MTA3: variants seen among roughly 807,000 people sequenced by gnomAD.
MTA3 encodes the protein metastasis associated 1 family member 3, also known as metastasis-associated protein MTA3.
A neutral mutation model predicts 83.5 loss-of-function variants in MTA3; 34 were observed. The ratio of observed to expected loss-of-function variants is 0.41; its 90% CI spans 0.31 to 0.54. The LOEUF (loss-of-function observed/expected upper bound fraction) is 0.54. Ranked by LOEUF, MTA3 falls within the 20% of genes least tolerant of loss-of-function variation. The pLI is 0.33. For synonymous variants in MTA3, 303 were observed against 252.7 expected, an observed-to-expected ratio of 1.20 and a Z score of -1.89; for missense variants, 761 against 726.4, an observed-to-expected ratio of 1.05 and a Z score of -0.55.
chr2:42,697,689 C>G (rs144713413), intron 10 of MTA3, 87 bp from the exon 11 acceptor site: 8 of 880,562 alleles, frequency 9.1e-6, no homozygotes, highest in Non-Finnish European at 1.4e-5. Flanking sequence ...CACTTTAATA[C>G]GTATTTTCTT....
Position 42,753,896 on chromosome 2 carries a change from T to G in MTA3, c.*497T>G, listed in dbSNP as rs1670064407. The stretch of plus-strand genomic sequence containing the variant: ...CCAGTGTTTATGAGGTTCAAGGTAT[T>G]TCCCTGTCCTTGCTGTTACCGTCAC... On this transcript the variant is annotated 3_prime_UTR_variant, in exon 17 of 17. Coordinates refer to ENST00000405094, the MANE Select transcript of MTA3 (RefSeq NM_001330442.2). 1 of 986,310 alleles carries G rather than the reference T, an allele frequency of 1.0e-6. No homozygotes were observed. The highest frequency in any genetic ancestry group is 4.6e-5 in the South Asian group (1 of 21,576). 61.1% of individuals were successfully genotyped at this position (986,310 alleles called of 1,614,324 possible). A position where few individuals can be genotyped will look rare whatever the true frequency, so the allele number is the denominator to read the frequency against.
rs1222819752 is a variant in MTA3 at position 42,755,441 on chromosome 2, C to T, written c.*2042C>T. On this transcript the variant is annotated 3_prime_UTR_variant, in exon 17 of 17. Coordinates refer to ENST00000405094, the MANE Select transcript of MTA3 (RefSeq NM_001330442.2). ...GAGAAGGGAGGCCCCTCCTATCTAC[C>T]CAGTTGACATTTGGCTTTGGGAAAA... 21 of 985,332 alleles carry T rather than the reference C, an allele frequency of 2.1e-5. No homozygotes were observed. Among genetic ancestry groups the T allele is most frequent in the African/African-American group, 3.5e-5 (2 of 57,226 alleles). 61.0% of individuals were successfully genotyped at this position (985,332 alleles called of 1,614,324 possible). A position where few individuals can be genotyped will look rare whatever the true frequency, so the allele number is the denominator to read the frequency against.
At chr2:42,571,564 A>G (rs543866475) in intron 2 of MTA3, among the ~76,000 whole-genome samples, 88 of 152,306 alleles carry the variant, frequency 5.8e-4, no homozygotes, top group African/African-American at 2.0e-3. Context: ...TTTTATGTTT[A>G]GAGTCATAAT....
At chr2:42,750,029 G>A (rs535834367) in intron 16 of MTA3, among the ~76,000 whole-genome samples, 9 of 151,560 alleles carry the variant, frequency 5.9e-5, no homozygotes, top group African/African-American at 1.9e-4. Flanking sequence ...GTCTCACTCT[G>A]TCGCCAGGCT....
At chr2:42,674,162 C>G (rs1369312604) in intron 8 of MTA3, among the ~76,000 whole-genome samples, 1 of 152,220 alleles carries the variant, frequency 6.6e-6, no homozygotes, top group Non-Finnish European at 1.5e-5. Context: ...CTTGTCAAGG[C>G]TCAGTTATGT....
chr2:42,715,166 C>G (rs1335429073), intron 14 of MTA3, among the ~76,000 whole-genome samples: 1 of 152,154 alleles, frequency 6.6e-6, no homozygotes, highest in African/African-American at 2.4e-5. Context: ...AATTTGGGAG[C>G]AAGGACTGTC....
At chr2:42,721,936 T>G (rs1334994029) in intron 15 of MTA3, among the ~76,000 whole-genome samples, 1 of 152,058 alleles carries the variant, frequency 6.6e-6, no homozygotes, top group Non-Finnish European at 1.5e-5. Context: ...TTTAAGCCAT[T>G]TCTAAATTTT....
rs1020253945 is a variant in MTA3 at position 42,753,926 on chromosome 2, C to G, written c.*527C>G. The G allele has an allele frequency of 4.1e-6, 4 of 985,762 alleles. No individual in the cohort carries two copies. The highest frequency in any genetic ancestry group is 4.8e-6 in the Non-Finnish European group (4 of 830,190). 61.1% of individuals were successfully genotyped at this position (985,762 alleles called of 1,614,324 possible). On this transcript the variant is annotated 3_prime_UTR_variant, in exon 17 of 17. Transcript: ENST00000405094. The stretch of plus-strand genomic sequence containing the variant: ...TGTCCTTGCTGTTACCGTCACTCAG[C>G]TTTTTCTCGATAGGCTTCATCCTTG...
At chr2:42,752,519 G>A (rs1291232034) in intron 16 of MTA3, among the ~76,000 whole-genome samples, 2 of 152,194 alleles carry the variant, frequency 1.3e-5, no homozygotes, top group East Asian at 3.8e-4. Flanking sequence ...TGTCTCTGCT[G>A]TAGTCTCCAG....
intron 4 of MTA3, among the ~76,000 whole-genome samples, chr2:42,632,249 C>T (rs567555103): frequency 2.6e-5 from 4 of 152,046 alleles, no homozygotes; most frequent in Admixed American, 1.3e-4. Flanking sequence ...CGCCACCATG[C>T]CCGGCTAATT....
chr2:42,587,235 G>A (rs1345623066), intron 3 of MTA3, among the ~76,000 whole-genome samples: 1 of 151,434 alleles, frequency 6.6e-6, no homozygotes, highest in African/African-American at 2.4e-5. Flanking sequence ...AGTACAGATC[G>A]CTGGAGGTTG....
At chr2:42,497,333 T>C (rs1674181915) in intron 2 of MTA3, among the ~76,000 whole-genome samples, 1 of 152,040 alleles carries the variant, frequency 6.6e-6, no homozygotes. Context: ...ATGCCTGTAA[T>C]CCCAGCACTT....
At chr2:42,599,564 C>T (rs778026506) in intron 3 of MTA3, among the ~76,000 whole-genome samples, 10 of 151,128 alleles carry the variant, frequency 6.6e-5, no homozygotes, top group East Asian at 3.9e-4. Flanking sequence ...CACTCCAGCC[C>T]GGGCGACAGT....
chr2:42,694,463 C>G (rs560552431), intron 9 of MTA3, among the ~76,000 whole-genome samples: 5 of 152,250 alleles, frequency 3.3e-5, no homozygotes, highest in African/African-American at 9.6e-5. Flanking sequence ...TACCCTCTGG[C>G]TAGGTCTGGT....
chr2:42,503,240 A>G (rs540204147), intron 2 of MTA3, among the ~76,000 whole-genome samples: 2 of 152,286 alleles, frequency 1.3e-5, no homozygotes, highest in African/African-American at 2.4e-5. Flanking sequence ...TTTTTAGACC[A>G]TATAGGGTAA....
intron 4 of MTA3, among the ~76,000 whole-genome samples, chr2:42,626,975 A>T (rs556555938): frequency 6.7e-4 from 102 of 151,296 alleles, no homozygotes; most frequent in African/African-American, 2.3e-3. Flanking sequence ...TCCTGACCTC[A>T]GGTGATCTGC....
intron 8 of MTA3, among the ~76,000 whole-genome samples, chr2:42,670,343 G>C (rs535128970): frequency 1.3e-4 from 19 of 151,942 alleles, no homozygotes; most frequent in Admixed American, 9.8e-4. Flanking sequence ...ACTTCATCCA[G>C]ATTCCCCAGT....
At chr2:42,565,367 G>C (rs1163721423), upstream of MTA3, among the ~76,000 whole-genome samples, 1 of 135,446 alleles carries the variant, frequency 7.4e-6, no homozygotes, top group Admixed American at 7.4e-5. Flanking sequence ...TTTTTTTTTT[G>C]GTAGAGGTGG....
intron 3 of MTA3, among the ~76,000 whole-genome samples, chr2:42,581,050 T>C (rs1679562228): frequency 6.6e-6 from 1 of 152,180 alleles, no homozygotes; most frequent in Non-Finnish European, 1.5e-5. Flanking sequence ...GGCAAGTTAG[T>C]TGTCTCATAA....
Sources: gnomAD v4.1 joint callset for allele counts (sites outside exome capture counted in the v4.1 genomes callset) on GRCh38, gnomAD v4.1.1 for gene constraint, MANE v1.5 for transcripts, NCBI Gene and HGNC (gene_info 2026-07-23, HGNC 2026-07-21) for gene names.